Variants in PPP3CB observed in about 807,000 individuals in gnomAD.
The protein encoded by PPP3CB is serine/threonine-protein phosphatase 2B catalytic subunit beta isoform.
A neutral mutation model predicts 66.4 loss-of-function variants in PPP3CB; 8 were observed. That is an observed-to-expected ratio of 0.12 (90% CI 0.07 to 0.22). The LOEUF (loss-of-function observed/expected upper bound fraction) is 0.22, where lower values mean the gene tolerates loss of function less well. Ranked by LOEUF, PPP3CB falls within the 10% of genes least tolerant of loss-of-function variation. The probability of loss-of-function intolerance (pLI) is 1.00; values close to 1 mark genes in which losing one functional copy is unlikely to be tolerated. For synonymous variants in PPP3CB, 208 were observed against 221.2 expected, an observed-to-expected ratio of 0.94 and a Z score of 0.53; for missense variants, 319 against 642.5, an observed-to-expected ratio of 0.50 and a Z score of 5.44.
chr10:73,481,693 T>A (rs1459436207), intron 1 of PPP3CB, among the ~76,000 whole-genome samples: 1 of 151,274 alleles, frequency 6.6e-6, no homozygotes, highest in Non-Finnish European at 1.5e-5. Flanking sequence ...ATAACCACAT[T>A]CTCATACCAG....
At chr10:73,476,108 G>A (rs780811262) in intron 3 of PPP3CB, among the ~76,000 whole-genome samples, 13 of 150,838 alleles carry the variant, frequency 8.6e-5, no homozygotes, top group Non-Finnish European at 1.8e-4. Context: ...CAATCTGCCT[G>A]ACTTGGCCAA....
intron 1 of PPP3CB, among the ~76,000 whole-genome samples, chr10:73,482,540 C>T (rs1299820028): frequency 1.6e-5 from 1 of 60,808 alleles, no homozygotes; most frequent in Non-Finnish European, 2.7e-5. Flanking sequence ...GAGACTCCGT[C>T]TCAAAAAAAA....
chr10:73,469,432 T>C (rs2056669138), intron 8 of PPP3CB, among the ~76,000 whole-genome samples: 1 of 152,004 alleles, frequency 6.6e-6, no homozygotes, highest in African/African-American at 2.4e-5. Context: ...TCCCAGCTAT[T>C]AGGGAGGGCT....
intron 9 of PPP3CB, among the ~76,000 whole-genome samples, chr10:73,461,891 A>C (rs1314838837): frequency 6.6e-6 from 1 of 152,184 alleles, no homozygotes; most frequent in African/African-American, 2.4e-5. Context: ...TGGATTTCTC[A>C]TGAATAGTTT....
At chr10:73,494,145 G>C (rs1230489996) in intron 1 of PPP3CB, among the ~76,000 whole-genome samples, 1 of 151,756 alleles carries the variant, frequency 6.6e-6, no homozygotes, top group Non-Finnish European at 1.5e-5. Flanking sequence ...TTGATAGAAT[G>C]AATGTCTGCA....
At chr10:73,468,747 A>T (rs561865621) in intron 8 of PPP3CB, among the ~76,000 whole-genome samples, 1 of 152,340 alleles carries the variant, frequency 6.6e-6, no homozygotes, top group African/African-American at 2.4e-5. Flanking sequence ...CTTAATAAGT[A>T]TATGTTTGTT....
chr10:73,452,662 C>CTCTA (rs2056365815), intron 10 of PPP3CB, among the ~76,000 whole-genome samples: 1 of 150,400 alleles, frequency 6.6e-6, no homozygotes, highest in African/African-American at 2.5e-5. Flanking sequence ...CGCCACTGCA[C>CTCTA]TCTAGCCTGG....
At position 73,455,661 on chromosome 10, in the gene PPP3CB, C is replaced by T. The variant is rs557914133; in HGVS notation, c.1109-1172G>A. On this transcript the variant is annotated intron_variant, in intron 9 of 13. Coordinates refer to ENST00000360663, the MANE Select transcript of PPP3CB (RefSeq NM_021132.4). ...TCGGCTCACTGCAGGCTCCGCCTCC[C>T]GGGTTCACGCCATTCTCCTGCCTCA... 3.3e-4 allele frequency among the ~76,000 whole-genome samples: 51 copies of T among 152,256 alleles called. No individual in the cohort carries two copies. In the South Asian group the frequency reaches 1.0e-2, roughly 30 times the overall value.
At chr10:73,485,057 AT>A (rs893665343) in intron 1 of PPP3CB, among the ~76,000 whole-genome samples, 1 of 152,132 alleles carries the variant, frequency 6.6e-6, no homozygotes, top group African/African-American at 2.4e-5. Context: ...TCTCAAAAAA[AT>A]AAACCAATCA....
chr10:73,460,931 C>CT (rs376480330), intron 9 of PPP3CB, among the ~76,000 whole-genome samples: 6 of 152,354 alleles, frequency 3.9e-5, no homozygotes, highest in African/African-American at 1.4e-4. Flanking sequence ...AGAGACACTA[C>CT]TAGGGCAGTG....
rs759317211 is a variant in PPP3CB, at chr10:73,478,651, GA to G, written c.287-29del. 9.4e-6 allele frequency: 15 copies of G among 1,590,574 alleles called. No individual in the cohort carries two copies. The South Asian group carries it at 1.5e-4, about 16-fold the overall frequency. The stretch of plus-strand genomic sequence containing the variant: ...GAAACAAGAAGATTATTAGATAAGG[GA>G]AAAAAATCTCTAAAACAACAAATTT... On this transcript the variant is annotated intron_variant, in intron 2 of 13. Coordinates refer to ENST00000360663, the MANE Select transcript of PPP3CB (RefSeq NM_021132.4).
intron 9 of PPP3CB, among the ~76,000 whole-genome samples, chr10:73,459,789 G>C (rs544461867): frequency 6.6e-6 from 1 of 152,270 alleles, no homozygotes; most frequent in South Asian, 2.1e-4. Flanking sequence ...TGGTTACCTA[G>C]GGTTAGCAAG....
In PPP3CB at chr10:73,470,801, A is replaced by AGC; in HGVS notation, c.888-21_888-20insGC. On this transcript the variant is annotated intron_variant, in intron 7 of 13. Transcript: ENST00000360663. ...CTATAGCTGCAAAACAAATAGCTTA[A>AGC]TATGCATCGTAAAGCATCAATCATG... 2 of 1,589,098 alleles carry AGC rather than the reference A, an allele frequency of 1.3e-6. No homozygotes were observed. Among genetic ancestry groups the AGC allele is most frequent in the Non-Finnish European group, 1.7e-6 (2 of 1,159,652 alleles).
Position 73,446,613 on chromosome 10 carries a change from T to A in PPP3CB, c.1187-40A>T, listed in dbSNP as rs777973946. On this transcript the variant is annotated intron_variant, in intron 10 of 13. Transcript: ENST00000360663. ...ATAAATAGAGAGAAAGGCTCAAGTTTAGGGCATGCATGCTTACAATATTCT... is the reference window on the plus strand; with the variant it reads ...ATAAATAGAGAGAAAGGCTCAAGTTAAGGGCATGCATGCTTACAATATTCT... The A allele has an allele frequency of 6.2e-5, 96 of 1,559,136 alleles. No individual in the cohort carries two copies. In the African/African-American group the frequency reaches 1.2e-3, roughly 19 times the overall value.
chr10:73,438,414 C>T lies in PPP3CB; in HGVS notation c.1403G>A (p.Arg468Gln), dbSNP rs61749234. 1.4e-5 allele frequency: 22 copies of T among 1,608,288 alleles called. No homozygotes were observed. Among genetic ancestry groups the T allele is most frequent in the Admixed American group, 3.3e-5 (2 of 59,704 alleles). Residue 468 changes from arginine (R) to glutamine (Q), a missense_variant, in exon 14 of 14, where the codon CGA becomes CAA. This residue lies in a region of PPP3CB where 120 missense variants were observed against 331.2 expected (regional missense o/e 0.36). Transcript: ENST00000360663. ...VEAIEAEKAI[R>Q]GFSPPHRICS... is the part of the protein sequence containing the mutation. ...GATTCTATGTGGTGGAGAGAATCCT[C>T]GTATTGCTTAATAAAATGCAAATTT...
At chr10:73,494,159 C>T (rs1486472887) in intron 1 of PPP3CB, among the ~76,000 whole-genome samples, 3 of 150,666 alleles carry the variant, frequency 2.0e-5, no homozygotes, top group Admixed American at 6.6e-5. Flanking sequence ...GTCTGCATTA[C>T]TATTTTTTTT....
chr10:73,483,706 G>GA lies in PPP3CB; in HGVS notation c.86-4190dup, dbSNP rs576693905. Among the ~76,000 whole-genome samples, 113 of 152,112 alleles carry GA rather than the reference G, an allele frequency of 7.4e-4. 1 individual carries two copies. In the East Asian group the frequency reaches 0.018, roughly 24 times the overall value. ...AATTTTAATTTATCAGCAAATAAGA[G>GA]AAAAAAGGCACGTATAGTGTTGTTT... is the stretch of plus-strand genomic sequence containing the variant. On this transcript the variant is annotated intron_variant, in intron 1 of 13. Transcript: ENST00000360663.
chr10:73,469,760 A>G (rs931661333), intron 8 of PPP3CB, among the ~76,000 whole-genome samples: 5 of 152,118 alleles, frequency 3.3e-5, no homozygotes, highest in African/African-American at 1.2e-4. Context: ...TTACACCATG[A>G]CCCTTATTTA....
At chr10:73,461,178 T>C (rs1020895090) in intron 9 of PPP3CB, among the ~76,000 whole-genome samples, 3 of 152,252 alleles carry the variant, frequency 2.0e-5, no homozygotes, top group Admixed American at 1.3e-4. Context: ...ACTGGCGTGA[T>C]GGCTCACACC....
Sources: allele counts gnomAD v4.1 joint callset (sites outside exome capture counted in the v4.1 genomes callset), GRCh38; gene constraint gnomAD v4.1.1; regional missense constraint gnomAD v4.1.1; transcripts MANE v1.5; gene names NCBI Gene and HGNC (gene_info 2026-07-23, HGNC 2026-07-21).